Variants in MFN2 observed in about 807,000 individuals in gnomAD.
MFN2 encodes mitofusin-2.
A neutral mutation model predicts 87.5 loss-of-function variants in MFN2; 43 were observed. The observed-to-expected ratio is 0.49, with a 90% confidence interval of 0.38 to 0.63. The LOEUF is 0.63. Ranked by LOEUF, MFN2 falls within the 30% of genes least tolerant of loss-of-function variation. The probability of loss-of-function intolerance (pLI) is 0.00; values close to 1 mark genes in which losing one functional copy is unlikely to be tolerated. For synonymous variants in MFN2, 337 were observed against 359.9 expected, an observed-to-expected ratio of 0.94 and a Z score of 0.72; for missense variants, 743 against 972.8, an observed-to-expected ratio of 0.76 and a Z score of 3.14.
chr1:12,004,234 T>G lies in MFN2; in HGVS notation c.1287+116T>G, dbSNP rs1639303146. ...GCCTTTCAGAAGAAAGTTGTGGCCCTGTTTCAAGAATACAGAGCTGCCGTT... is the reference window on the plus strand; with the variant it reads ...GCCTTTCAGAAGAAAGTTGTGGCCCGGTTTCAAGAATACAGAGCTGCCGTT... On this transcript the variant is annotated intron_variant, in intron 12 of 18. Coordinates refer to ENST00000235329, the MANE Select transcript of MFN2 (RefSeq NM_014874.4). The surrounding 1 kb of genome is among the most constrained non-coding windows in gnomAD (Gnocchi z 4.2). 1 of 1,417,810 alleles carries G rather than the reference T, an allele frequency of 7.1e-7. No individual in the cohort carries two copies. The highest frequency in any genetic ancestry group is 1.9e-5 in the Admixed American group (1 of 51,842). 87.8% of individuals were successfully genotyped at this position (1,417,810 alleles called of 1,614,324 possible).
At chr1:11,991,647 G>A (rs974792501) in intron 3 of MFN2, among the ~76,000 whole-genome samples, 10 of 152,142 alleles carry the variant, frequency 6.6e-5, no homozygotes, top group African/African-American at 1.9e-4. Context: ...CATAGAGGCC[G>A]GGCGCGGTGG....
At chr1:12,011,006 T>C (rs1639668566) in intron 18 of MFN2, among the ~76,000 whole-genome samples, 4 of 151,720 alleles carry the variant, frequency 2.6e-5, no homozygotes, top group Admixed American at 2.0e-4. Context: ...GGGCTTTCCC[T>C]GCCCTCGACT....
In MFN2 at chr1:12,004,690, C is replaced by A; in HGVS notation, c.1392+77C>A. Reference sequence around the variant, plus strand: ...CAACCCCTGTTGGTCTGGGTCAGGGCCCCCCAGCAGTGACAGTAGAAGCCA... The same window carrying A: ...CAACCCCTGTTGGTCTGGGTCAGGGACCCCCAGCAGTGACAGTAGAAGCCA... On this transcript the variant is annotated intron_variant, in intron 13 of 18. Transcript: ENST00000235329. The surrounding 1 kb of genome is among the most constrained non-coding windows in gnomAD (Gnocchi z 4.2). The A allele has an allele frequency of 2.0e-6, 3 of 1,515,966 alleles. No individual in the cohort carries two copies. Among genetic ancestry groups the A allele is most frequent in the South Asian group, 1.1e-5 (1 of 88,558 alleles). 93.9% of individuals were successfully genotyped at this position (1,515,966 alleles called of 1,614,324 possible).
At chr1:11,982,466 C>G (rs1362748650) in intron 2 of MFN2, 1 of 152,242 alleles carries the variant, frequency 6.6e-6, no homozygotes, top group African/African-American at 2.4e-5. Context: ...TCTGCTCTGT[C>G]CCCTTTACCC....
intron 4 of MFN2, among the ~76,000 whole-genome samples, chr1:11,993,253 T>G (rs916229419): frequency 2.0e-5 from 3 of 151,814 alleles, no homozygotes; most frequent in Non-Finnish European, 2.9e-5. Flanking sequence ...TTTTTCTCCA[T>G]TCATAAAACT....
intron 2 of MFN2, among the ~76,000 whole-genome samples, chr1:11,988,281 T>C (rs1638513722): frequency 6.6e-6 from 1 of 152,040 alleles, no homozygotes; most frequent in South Asian, 2.1e-4. Context: ...TTTTTTGTAT[T>C]TTTAGTAGAG....
chr1:11,992,331 G>C, intron 3 of MFN2: 1 of 596,436 alleles, frequency 1.7e-6, no homozygotes, highest in Non-Finnish European at 3.0e-6. Context: ...GCTAGAAAGT[G>C]GTAAGAACCA....
In MFN2 at chr1:12,003,166, G is replaced by A. The variant is rs1418196145; in HGVS notation, c.1161-826G>A. On this transcript the variant is annotated intron_variant, in intron 11 of 18. Coordinates refer to ENST00000235329, the MANE Select transcript of MFN2 (RefSeq NM_014874.4). The surrounding 1 kb of genome is among the most constrained non-coding windows in gnomAD (Gnocchi z 4.1). ...GTGCACCTTTTTAAGAGTCTTCCTGGGGTGAGTTCCTAGGGGTGTGGCAAT... is the reference window on the plus strand; with the variant it reads ...GTGCACCTTTTTAAGAGTCTTCCTGAGGTGAGTTCCTAGGGGTGTGGCAAT... 6.6e-6 allele frequency among the ~76,000 whole-genome samples: 1 copy of A among 151,716 alleles called. No individual in the cohort carries two copies. Among genetic ancestry groups the A allele is most frequent in the Non-Finnish European group, 1.5e-5 (1 of 67,898 alleles).
In MFN2 at chr1:12,004,019, G is replaced by C; in HGVS notation, c.1188G>C (p.Glu396Asp). ...QQVYCEEMRE[E>D]RQDRLKFIDK... The stretch of plus-strand genomic sequence containing the variant: ...TTTACTGCGAGGAAATGCGTGAAGA[G>C]CGGCAAGACCGACTGAAATTTATTG... The change falls in exon 12 of 19, where the codon GAG (glutamate) becomes GAC (aspartate). Residue 396 changes from glutamate to aspartate, a missense_variant. Around this residue, in one of 3 missense-constraint regions of MFN2, gnomAD observed 571 missense variants for 670.7 expected, o/e 0.85. Transcript: ENST00000235329. This position sits in a 1 kb window ranked among gnomAD's most constrained non-coding sequence, Gnocchi z 4.2. 1.2e-6 allele frequency: 2 copies of C among 1,614,256 alleles called. No homozygotes were observed. Among genetic ancestry groups the C allele is most frequent in the Non-Finnish European group, 1.7e-6 (2 of 1,180,054 alleles).
At position 12,012,841 on chromosome 1, in the gene MFN2, G is replaced by A. The variant is rs766342161; in HGVS notation, c.*1276G>A. 20 of 153,398 alleles carry A rather than the reference G, an allele frequency of 1.3e-4. No individual in the cohort carries two copies. Among genetic ancestry groups the A allele is most frequent in the Non-Finnish European group, 2.2e-4 (15 of 68,800 alleles). The allele number at this position is 153,398 out of a possible 1,614,324, so 9.5% of individuals were successfully genotyped here. A position where few individuals can be genotyped will look rare whatever the true frequency, so the allele number is the denominator to read the frequency against. ...AAAAGCAGTTTGGGTGACAAATCCT[G>A]TGTGGCACAAGTTGGATCGCTTCCT... On this transcript the variant is annotated 3_prime_UTR_variant, in exon 19 of 19. Coordinates refer to ENST00000235329, the MANE Select transcript of MFN2 (RefSeq NM_014874.4).
At chr1:11,996,434 G>T in intron 5 of MFN2, 116 bp downstream of exon 5, 1 of 1,234,492 alleles carries the variant, frequency 8.1e-7, no homozygotes. Flanking sequence ...GGAGGTGAAT[G>T]GGAGACCCTA....
At position 12,001,966 on chromosome 1, in the gene MFN2, C is replaced by A. The variant is rs369651423; in HGVS notation, c.1039-16C>A. 1 of 1,614,070 alleles carries A rather than the reference C, an allele frequency of 6.2e-7. No individual in the cohort carries two copies. Among genetic ancestry groups the A allele is most frequent in the Admixed American group, 1.7e-5 (1 of 60,004 alleles). On this transcript the variant is annotated splice_polypyrimidine_tract_variant and intron_variant, in intron 10 of 18. Transcript: ENST00000235329. ...CTGGTGGCCCCCACCTCCCTCCGTG[C>A]CTCTGTGTGTTCCAGGAGTGCATCT...
chr1:12,007,091 C>A lies in MFN2; in HGVS notation c.1911C>A (p.Ser637=). ...KAVGWRLIAL[S]FGLYGLLYVY... is the part of the protein sequence containing the mutation. ...TGGGCTGGCGGCTCATTGCCCTCTC[C>A]TTTGGGCTCTATGGCCTCCTCTACG... Residue 637 remains serine (S), a synonymous_variant, in exon 17 of 19, where the codon TCC becomes TCA. Coordinates refer to ENST00000235329, the MANE Select transcript of MFN2 (RefSeq NM_014874.4). 1 of 1,614,168 alleles carries A rather than the reference C, an allele frequency of 6.2e-7. No individual in the cohort carries two copies. The highest frequency in any genetic ancestry group is 1.1e-5 in the South Asian group (1 of 91,074).
Position 12,004,444 on chromosome 1 carries a change from C to A in MFN2, c.1288-65C>A. On this transcript the variant is annotated intron_variant, in intron 12 of 18. Transcript: ENST00000235329. The surrounding 1 kb of genome is among the most constrained non-coding windows in gnomAD (Gnocchi z 4.2). ...GATGTGCCATCTGCTAGGATCTCTC[C>A]TGGTGCTGCAGGAGTGAACTTTGGT... 1 of 1,373,920 alleles carries A rather than the reference C, an allele frequency of 7.3e-7. No homozygotes were observed. Among genetic ancestry groups the A allele is most frequent in the Non-Finnish European group, 1.0e-6 (1 of 961,500 alleles). The allele number at this position is 1,373,920 out of a possible 1,614,324, so 85.1% of individuals were successfully genotyped here.
chr1:12,005,647 G>A lies in MFN2; in HGVS notation c.1496-64G>A, dbSNP rs1639375598. ...TAGCTGGTAGAGCCCTGTCTCCAAG[G>A]CTTGGTGCCGCTGTGGTGCAGGGCT... On this transcript the variant is annotated intron_variant, in intron 14 of 18. Coordinates refer to ENST00000235329, the MANE Select transcript of MFN2 (RefSeq NM_014874.4). The A allele has an allele frequency of 2.6e-6, 4 of 1,514,446 alleles. No homozygotes were observed. The South Asian group carries it at 4.5e-5, about 17-fold the overall frequency. 93.8% of individuals were successfully genotyped at this position (1,514,446 alleles called of 1,614,324 possible). A position where few individuals can be genotyped will look rare whatever the true frequency, so the allele number is the denominator to read the frequency against.
intron 3 of MFN2, 81 bp downstream of exon 3, chr1:11,989,424 ATC>A: frequency 1.3e-6 from 2 of 1,494,928 alleles, no homozygotes; most frequent in Non-Finnish European, 1.8e-6. Flanking sequence ...GGGGAGGTAT[ATC>A]TCTGCTCCCA....
intron 6 of MFN2, among the ~76,000 whole-genome samples, chr1:11,998,059 T>G (rs1213623596): frequency 6.6e-6 from 1 of 151,116 alleles, no homozygotes; most frequent in African/African-American, 2.4e-5. Flanking sequence ...AAATTTTGTA[T>G]TTTTAGTAGA....
Position 12,004,934 on chromosome 1 carries a change from G to A in MFN2, c.1495+7G>A. On this transcript the variant is annotated splice_region_variant and intron_variant, in intron 14 of 18. Transcript: ENST00000235329. The surrounding 1 kb of genome is among the most constrained non-coding windows in gnomAD (Gnocchi z 4.2). ...ATGCAGCAGGACATGATAGGTTAGT[G>A]CCCATGGGGAACTGGGCAGCTGTGG... 1 of 1,600,558 alleles carries A rather than the reference G, an allele frequency of 6.2e-7. No homozygotes were observed. Among genetic ancestry groups the A allele is most frequent in the Non-Finnish European group, 8.5e-7 (1 of 1,172,942 alleles).
chr1:11,985,292 G>A (rs1259311250), intron 2 of MFN2, among the ~76,000 whole-genome samples: 2 of 152,032 alleles, frequency 1.3e-5, no homozygotes, highest in Non-Finnish European at 2.9e-5. Context: ...CTCTCCAGTA[G>A]GTGTCTTGTT....
Sources: gnomAD v4.1 joint callset for allele counts (sites outside exome capture counted in the v4.1 genomes callset) on GRCh38, gnomAD v4.1.1 for gene constraint, gnomAD v4.1.1 regional missense constraint, Gnocchi (gnomAD v3.1) non-coding constraint, MANE v1.5 for transcripts, NCBI Gene and HGNC (gene_info 2026-07-23, HGNC 2026-07-21) for gene names.